PTN: variants seen among roughly 807,000 people sequenced by gnomAD.
PTN encodes pleiotrophin.
PTN carries 18 observed loss-of-function variants against 24.1 expected under a neutral mutation model. That is an observed-to-expected ratio of 0.75 (90% CI 0.52 to 1.11). PTN has a LOEUF of 1.11. Ranked by LOEUF, PTN falls within the 50% of genes least tolerant of loss-of-function variation. PTN has a pLI of 0.00. For missense variants in PTN, 163 were observed against 198.8 expected (o/e 0.82, Z 1.08); for synonymous variants, 78 against 68.6 (o/e 1.14, Z -0.67).
At chr7:137,286,523 C>T (rs3959915) in intron 1 of PTN, among the ~76,000 whole-genome samples, 100,551 of 152,040 alleles carry the variant, frequency 0.66, 33,631 homozygotes, top group South Asian at 0.7. Context: ...ATCCAACTTA[C>T]GAATATGTAA....
intron 1 of PTN, among the ~76,000 whole-genome samples, chr7:137,280,887 A>C (rs1809462833): frequency 6.6e-6 from 1 of 150,790 alleles, no homozygotes; most frequent in Non-Finnish European, 1.5e-5. Flanking sequence ...AAAAAAAAAA[A>C]AGGAAATTTT....
At chr7:137,298,034 C>G (rs1367969049) in intron 1 of PTN, among the ~76,000 whole-genome samples, 1 of 151,946 alleles carries the variant, frequency 6.6e-6, no homozygotes, top group Non-Finnish European at 1.5e-5. Flanking sequence ...GAACAGAGAC[C>G]AGAAGCTGTC....
intron 1 of PTN, among the ~76,000 whole-genome samples, chr7:137,278,868 G>C (rs1250882218): frequency 6.6e-6 from 1 of 151,358 alleles, no homozygotes; most frequent in Non-Finnish European, 1.5e-5. Context: ...GTGAACCCGG[G>C]AGGCAGAGGT....
chr7:137,280,340 A>C (rs1206003292), intron 1 of PTN, among the ~76,000 whole-genome samples: 1 of 152,088 alleles, frequency 6.6e-6, no homozygotes, highest in Non-Finnish European at 1.5e-5. Context: ...TCTGGAAGAG[A>C]GCTCTAGTCT....
At chr7:137,283,512 A>G (rs1169076995) in intron 1 of PTN, among the ~76,000 whole-genome samples, 1 of 152,186 alleles carries the variant, frequency 6.6e-6, no homozygotes, top group Admixed American at 6.5e-5. Context: ...GAAAGAGAAA[A>G]ATCTTGTTAG....
At position 137,253,510 on chromosome 7, in the gene PTN, C is replaced by T; in HGVS notation, c.243G>A (p.Lys81=). 1.2e-6 allele frequency: 2 copies of T among 1,612,220 alleles called. No homozygotes were observed. The highest frequency in any genetic ancestry group is 1.7e-6 in the Non-Finnish European group (2 of 1,179,126). The change falls in exon 3 of 5, where the codon AAG becomes AAA. Residue 81 remains lysine (K), a synonymous_variant. Transcript: ENST00000348225. ...TGCAGGGGATCTTACATCTCTGGGT[C>T]TTCATGGTTTGCTTGCACTCAGCTC... is the stretch of plus-strand genomic sequence containing the variant. ...RTGAECKQTM[K]TQRCKIPCNW...
At chr7:137,273,807 A>G (rs867654733) in intron 1 of PTN, among the ~76,000 whole-genome samples, 40 of 152,102 alleles carry the variant, frequency 2.6e-4, no homozygotes, top group African/African-American at 9.4e-4. Context: ...AGTTGCATGA[A>G]CATGACTAAA....
intron 1 of PTN, among the ~76,000 whole-genome samples, chr7:137,324,433 A>AAAAAAAAAAAAAAATATATAT: frequency 1.7e-4 from 15 of 88,760 alleles, no homozygotes; most frequent in African/African-American, 1.0e-3. Flanking sequence ...AAAAAAAAAA[A>AAAAAAAAAAAAAAATATATAT]ATATATATAT....
At chr7:137,263,027 T>A (rs1473495515) in intron 1 of PTN, among the ~76,000 whole-genome samples, 2 of 152,186 alleles carry the variant, frequency 1.3e-5, no homozygotes, top group African/African-American at 4.8e-5. Context: ...TCACTTTTTA[T>A]TAGTTGGAGT....
At chr7:137,319,524 T>A (rs1265670020) in intron 1 of PTN, among the ~76,000 whole-genome samples, 2 of 152,186 alleles carry the variant, frequency 1.3e-5, no homozygotes, top group African/African-American at 4.8e-5. Context: ...AAGACCACAG[T>A]CCTCCTTGTT....
chr7:137,299,304 G>T (rs1809768905), intron 1 of PTN, among the ~76,000 whole-genome samples: 1 of 151,864 alleles, frequency 6.6e-6, no homozygotes, highest in Non-Finnish European at 1.5e-5. Flanking sequence ...ATTCCTTTGG[G>T]CTCTAGGCAT....
In PTN at chr7:137,295,289, C is replaced by T. The variant is rs1482678529; in HGVS notation, c.-1-40315G>A. Among the ~76,000 whole-genome samples, 5 of 152,102 alleles carry T rather than the reference C, an allele frequency of 3.3e-5. No individual in the cohort carries two copies. The East Asian group carries it at 9.6e-4, about 29-fold the overall frequency. ...TATAGTAGATATTATTCAAAATGTTCTTTTTTATTGCTTGGACTTTCATAT... is the reference window on the plus strand; with the variant it reads ...TATAGTAGATATTATTCAAAATGTTTTTTTTTATTGCTTGGACTTTCATAT... On this transcript the variant is annotated intron_variant, in intron 1 of 4. Transcript: ENST00000348225.
chr7:137,294,765 T>A (rs1809692848), intron 1 of PTN, among the ~76,000 whole-genome samples: 2 of 152,194 alleles, frequency 1.3e-5, no homozygotes, highest in Non-Finnish European at 2.9e-5. Flanking sequence ...AATAAAGATG[T>A]ACGCCATTTC....
chr7:137,275,158 A>G lies in PTN; in HGVS notation c.-1-20184T>C, dbSNP rs369877135. On this transcript the variant is annotated intron_variant, in intron 1 of 4. Coordinates refer to ENST00000348225, the MANE Select transcript of PTN (RefSeq NM_002825.7). Reference sequence around the variant, plus strand: ...GTGTATATCTCCCCCAAAAAACATCAGAGGCAGCTTTGCACAGAGGGTGAT... The same window carrying G: ...GTGTATATCTCCCCCAAAAAACATCGGAGGCAGCTTTGCACAGAGGGTGAT... Among the ~76,000 whole-genome samples the G allele has an allele frequency of 6.6e-5, 10 of 152,320 alleles. No individual in the cohort carries two copies. In the South Asian group the frequency reaches 2.1e-3, roughly 32 times the overall value.
chr7:137,238,519 A>C (rs1808563432), intron 4 of PTN, among the ~76,000 whole-genome samples: 1 of 152,194 alleles, frequency 6.6e-6, no homozygotes, highest in Non-Finnish European at 1.5e-5. Context: ...ATATGCTTAT[A>C]CGAATGTTTA....
At chr7:137,239,112 T>C (rs1402429445) in intron 4 of PTN, among the ~76,000 whole-genome samples, 1 of 152,302 alleles carries the variant, frequency 6.6e-6, no homozygotes, top group African/African-American at 2.4e-5. Flanking sequence ...TTATAGCTGC[T>C]AGTTCTCACA....
At chr7:137,251,788 T>G (rs939718307) in intron 3 of PTN, among the ~76,000 whole-genome samples, 1 of 151,906 alleles carries the variant, frequency 6.6e-6, no homozygotes, top group African/African-American at 2.4e-5. Context: ...AATTCTACAA[T>G]ATGTAAACTT....
At chr7:137,250,556 T>A (rs1808806419) in intron 4 of PTN, among the ~76,000 whole-genome samples, 1 of 152,202 alleles carries the variant, frequency 6.6e-6, no homozygotes, top group Non-Finnish European at 1.5e-5. Context: ...ATTCAGACAA[T>A]AACATCCATG....
In PTN at chr7:137,227,913, CT is replaced by C. The variant is rs1187757678; in HGVS notation, c.*106del. On this transcript the variant is annotated 3_prime_UTR_variant, in exon 5 of 5. Transcript: ENST00000348225. ...TCTTTTTGTTTTTGCTTATTGTGTA[CT>C]TAGCTATAGATAATTTTTGAATACA... 1.4e-6 allele frequency: 2 copies of C among 1,451,608 alleles called. No homozygotes were observed. The highest frequency in any genetic ancestry group is 2.4e-5 in the Admixed American group (1 of 40,912). 89.9% of individuals were successfully genotyped at this position (1,451,608 alleles called of 1,614,324 possible).
Sources: gnomAD v4.1 joint callset for allele counts (sites outside exome capture counted in the v4.1 genomes callset) on GRCh38, gnomAD v4.1.1 for gene constraint, MANE v1.5 for transcripts, NCBI Gene and HGNC (gene_info 2026-07-23, HGNC 2026-07-21) for gene names.